ADAM12: variants seen among roughly 807,000 people sequenced by gnomAD.
ADAM12 encodes the protein disintegrin and metalloproteinase domain-containing protein 12.
ADAM12 carries 70 observed loss-of-function variants against 106.4 expected under a neutral mutation model. The observed-to-expected ratio is 0.66, with a 90% CI of 0.54 to 0.80. The LOEUF is 0.80. Ranked by LOEUF, ADAM12 falls within the 30% of genes least tolerant of loss-of-function variation. ADAM12 has a pLI of 0.00. For synonymous variants in ADAM12, 420 were observed against 433.5 expected (o/e 0.97, Z 0.39); for missense variants, 1,010 against 1,171.9 (o/e 0.86, Z 2.02).
chr10:126,120,165 A>G (rs1157473363), intron 5 of ADAM12, among the ~76,000 whole-genome samples: 1 of 152,206 alleles, frequency 6.6e-6, no homozygotes, highest in Admixed American at 6.5e-5. Context: ...AATAATTCAC[A>G]TACATACCTG....
At chr10:126,248,367 G>A (rs1565165700) in intron 3 of ADAM12, among the ~76,000 whole-genome samples, 2 of 152,118 alleles carry the variant, frequency 1.3e-5, no homozygotes, top group Admixed American at 6.6e-5. Flanking sequence ...AACCATTTTT[G>A]TCTCTCCTTA....
intron 3 of ADAM12, among the ~76,000 whole-genome samples, chr10:126,176,244 G>C (rs765118429): frequency 6.6e-6 from 1 of 152,220 alleles, no homozygotes; most frequent in Non-Finnish European, 1.5e-5. Flanking sequence ...ATTAACATGC[G>C]TTCAAGGCCT....
intron 8 of ADAM12, among the ~76,000 whole-genome samples, chr10:126,104,864 A>G (rs2133588432): frequency 6.6e-6 from 1 of 152,334 alleles, no homozygotes; most frequent in Admixed American, 6.5e-5. Flanking sequence ...CCAAGACTTC[A>G]GCAAATGAGG....
intron 2 of ADAM12, among the ~76,000 whole-genome samples, chr10:126,295,910 AACACACAC>A (rs113506950): frequency 1.3e-5 from 2 of 148,290 alleles, no homozygotes; most frequent in African/African-American, 5.0e-5. Flanking sequence ...CACACACACA[AACACACAC>A]ACACACACAC....
chr10:126,305,002 AC>A (rs1423973393), intron 2 of ADAM12, among the ~76,000 whole-genome samples: 5 of 152,092 alleles, frequency 3.3e-5, no homozygotes, highest in Non-Finnish European at 7.4e-5. Context: ...GAGGATAGAA[AC>A]AATAGAACAC....
chr10:126,220,786 T>C (rs1958075656), intron 3 of ADAM12, among the ~76,000 whole-genome samples: 2 of 152,220 alleles, frequency 1.3e-5, no homozygotes, highest in Non-Finnish European at 2.9e-5. Context: ...AATTGTCACC[T>C]ATTAGGAGCC....
At chr10:126,129,353 C>A (rs1398427038) in intron 5 of ADAM12, among the ~76,000 whole-genome samples, 1 of 152,252 alleles carries the variant, frequency 6.6e-6, no homozygotes, top group Non-Finnish European at 1.5e-5. Flanking sequence ...CATTTAGGAA[C>A]AAACTCAGAA....
intron 1 of ADAM12, among the ~76,000 whole-genome samples, chr10:126,380,252 C>T (rs1029802994): frequency 2.6e-5 from 4 of 152,190 alleles, no homozygotes; most frequent in East Asian, 1.9e-4. Flanking sequence ...AAATGGCAGC[C>T]TGTGAGAAAG....
chr10:126,039,603 A>T (rs1334989021), intron 18 of ADAM12, among the ~76,000 whole-genome samples, 174 bp from the exon 19 acceptor site: 1 of 152,268 alleles, frequency 6.6e-6, no homozygotes, highest in Non-Finnish European at 1.5e-5. Flanking sequence ...TTTGAGGTTC[A>T]ATCTATGTTA....
chr10:126,056,366 G>A (rs547647630), intron 14 of ADAM12, among the ~76,000 whole-genome samples: 3 of 152,152 alleles, frequency 2.0e-5, no homozygotes, highest in African/African-American at 7.2e-5. Context: ...ATGTAAACAC[G>A]GGGATAGGAC....
intron 2 of ADAM12, among the ~76,000 whole-genome samples, chr10:126,322,433 G>C (rs368962502): frequency 6.6e-6 from 1 of 152,172 alleles, no homozygotes; most frequent in Non-Finnish European, 1.5e-5. Flanking sequence ...CACCCCAGGG[G>C]CCACGTGGCA....
At chr10:126,190,413 C>T (rs1957478205) in intron 3 of ADAM12, among the ~76,000 whole-genome samples, 1 of 152,008 alleles carries the variant, frequency 6.6e-6, no homozygotes, top group African/African-American at 2.4e-5. Context: ...ACCATGTTGG[C>T]CAGGCTGGTC....
chr10:126,111,864 A>G (rs982089401), intron 6 of ADAM12, among the ~76,000 whole-genome samples: 3 of 152,206 alleles, frequency 2.0e-5, no homozygotes, highest in Admixed American at 1.3e-4. Context: ...AGAGAGGTTT[A>G]CATTATCCCC....
At chr10:126,177,985 T>G (rs1166461687) in intron 3 of ADAM12, among the ~76,000 whole-genome samples, 1 of 152,226 alleles carries the variant, frequency 6.6e-6, no homozygotes, top group African/African-American at 2.4e-5. Flanking sequence ...TTTATTAACC[T>G]CAATTCTGAA....
At chr10:126,200,902 T>C (rs1466217568) in intron 3 of ADAM12, among the ~76,000 whole-genome samples, 2 of 152,066 alleles carry the variant, frequency 1.3e-5, no homozygotes, top group African/African-American at 4.8e-5. Flanking sequence ...GCAACAGAGA[T>C]GCTGTAAGCA....
intron 6 of ADAM12, among the ~76,000 whole-genome samples, chr10:126,110,710 T>C (rs963150077): frequency 6.6e-6 from 1 of 152,308 alleles, no homozygotes; most frequent in East Asian, 1.9e-4. Flanking sequence ...TCAAACTTCC[T>C]CAAAAAGCAT....
Position 126,036,210 on chromosome 10 carries a change from G to C in ADAM12, c.2465C>G (p.Ala822Gly). Reference protein sequence around the residue: ...TQRVLPPLHRAPRAPSVPARP... With the variant: ...TQRVLPPLHRGPRAPSVPARP... ...GGCAGGGACGCTAGGTGCACGTGGA[G>C]CCCGGTGGAGGGGAGGAAGCACTCG... The change falls in exon 21 of 23, where the codon GCT becomes GGT. Residue 822 changes from alanine to glycine, a missense_variant. Around this residue, in one of 3 missense-constraint regions of ADAM12, gnomAD observed 615 missense variants for 708.5 expected, o/e 0.87. Coordinates refer to ENST00000448723, the MANE Select transcript of ADAM12 (RefSeq NM_001288973.2). The C allele has an allele frequency of 1.3e-6, 2 of 1,550,256 alleles. No homozygotes were observed. Among genetic ancestry groups the C allele is most frequent in the South Asian group, 1.2e-5 (1 of 81,820 alleles).
At chr10:126,200,375 T>C (rs1270403412) in intron 3 of ADAM12, among the ~76,000 whole-genome samples, 1 of 152,120 alleles carries the variant, frequency 6.6e-6, no homozygotes, top group African/African-American at 2.4e-5. Flanking sequence ...CTCAGGAAGT[T>C]TATGCTCTAA....
At chr10:126,273,855 C>T (rs529007970) in intron 3 of ADAM12, among the ~76,000 whole-genome samples, 5 of 152,306 alleles carry the variant, frequency 3.3e-5, no homozygotes, top group African/African-American at 1.2e-4. Flanking sequence ...ATTGACTGGA[C>T]ACAGATGCTT....
Sources: gnomAD v4.1 joint callset for allele counts (sites outside exome capture counted in the v4.1 genomes callset) on GRCh38, gnomAD v4.1.1 for gene constraint, gnomAD v4.1.1 regional missense constraint, MANE v1.5 for transcripts, NCBI Gene and HGNC (gene_info 2026-07-23, HGNC 2026-07-21) for gene names.